Variants in DPP6 observed in about 807,000 individuals in gnomAD.
DPP6 encodes the protein A-type potassium channel modulatory protein DPP6.
In DPP6, 69 loss-of-function variants were observed where a neutral mutation model predicts 122.6. That is an observed-to-expected ratio of 0.56 (90% CI 0.46 to 0.69). DPP6 has a LOEUF of 0.69. Among genes scored for constraint, DPP6 ranks in the 30% least tolerant of loss-of-function variants. The probability of loss-of-function intolerance (pLI) is 0.00; values close to 1 mark genes in which losing one functional copy is unlikely to be tolerated. For missense variants in DPP6, 928 were observed against 1,116.9 expected, an observed-to-expected ratio of 0.83 and a Z score of 2.41; for synonymous variants, 418 against 433.1, an observed-to-expected ratio of 0.97 and a Z score of 0.43.
intron 16 of DPP6, among the ~76,000 whole-genome samples, chr7:154,810,203 C>T (rs980483397): frequency 7.2e-5 from 11 of 152,308 alleles, no homozygotes; most frequent in African/African-American, 2.6e-4. Context: ...GTCACAGCTC[C>T]CTGCTAAGTT....
intron 16 of DPP6, among the ~76,000 whole-genome samples, chr7:154,823,692 C>T (rs559212471): frequency 6.6e-6 from 1 of 152,310 alleles, no homozygotes; most frequent in South Asian, 2.1e-4. Context: ...AACTAGAGGA[C>T]CAGTGATAGG....
intron 2 of DPP6, among the ~76,000 whole-genome samples, chr7:154,450,787 C>A (rs1339255780): frequency 6.6e-6 from 1 of 152,196 alleles, no homozygotes; most frequent in African/African-American, 2.4e-5. Context: ...GATGATCTCA[C>A]ACAGCTGGGG....
intron 1 of DPP6, among the ~76,000 whole-genome samples, chr7:154,070,888 T>C (rs1401631110): frequency 2.6e-5 from 4 of 152,220 alleles, no homozygotes; most frequent in African/African-American, 9.7e-5. Context: ...ATAGCTGTTC[T>C]TTCATATTGC....
chr7:154,741,961 T>C (rs149064873), intron 8 of DPP6, among the ~76,000 whole-genome samples: 2 of 152,364 alleles, frequency 1.3e-5, no homozygotes, highest in African/African-American at 4.8e-5. Flanking sequence ...CAAGAAGATA[T>C]TCCAACACCT....
the DPP6 span, among the ~76,000 whole-genome samples, chr7:153,834,373 C>G: frequency 6.6e-6 from 1 of 151,802 alleles, no homozygotes; most frequent in Non-Finnish European, 1.5e-5. Context: ...TATGCTAATA[C>G]TGTCAGCCAT....
rs397833638 is a variant in DPP6, at chr7:154,045,365, G to A, written c.51+157631G>A. On this transcript the variant is annotated intron_variant, in intron 1 of 25. Coordinates refer to the DPP6 transcript ENST00000404039. ...AAATCTTCCAGGTCACCTTGGTGCC[G>A]TGAAGAAAATTGCTCTAGTACATTG... Among the ~76,000 whole-genome samples, 272 of 152,274 alleles carry A rather than the reference G, an allele frequency of 1.8e-3. 1 individual carries two copies. The highest frequency in any genetic ancestry group is 6.0e-3 in the African/African-American group (248 of 41,552).
the DPP6 span, among the ~76,000 whole-genome samples, chr7:153,748,893 A>G: frequency 6.7e-6 from 1 of 149,386 alleles, no homozygotes; most frequent in Non-Finnish European, 1.5e-5. Context: ...GCCACCCTCC[A>G]CGCGCCTAGG....
chr7:154,375,641 C>A (rs1386778057), intron 1 of DPP6, among the ~76,000 whole-genome samples: 1 of 151,562 alleles, frequency 6.6e-6, no homozygotes, highest in Non-Finnish European at 1.5e-5. Flanking sequence ...GAGAAGGGAG[C>A]CATCCACAAG....
chr7:154,281,593 A>G (rs1168570658), intron 1 of DPP6, among the ~76,000 whole-genome samples: 1 of 152,214 alleles, frequency 6.6e-6, no homozygotes, highest in Non-Finnish European at 1.5e-5. Context: ...GCAACAAAGT[A>G]CAAAGATTTA....
chr7:154,651,124 A>G (rs1183190881), intron 6 of DPP6, among the ~76,000 whole-genome samples: 1 of 152,144 alleles, frequency 6.6e-6, no homozygotes, highest in South Asian at 2.1e-4. Context: ...GTATAGCACT[A>G]GGTACTAGTA....
chr7:154,853,666 C>T, intron 16 of DPP6, 114 bp from the exon 17 acceptor site: 1 of 1,445,670 alleles, frequency 6.9e-7, no homozygotes, highest in Non-Finnish European at 9.3e-7. Context: ...AATTCGGGTT[C>T]TCCAGGCTCC....
intron 1 of DPP6, among the ~76,000 whole-genome samples, chr7:154,236,042 G>A (rs1484457692): frequency 2.0e-5 from 3 of 152,032 alleles, no homozygotes; most frequent in Non-Finnish European, 4.4e-5. Context: ...TAATAAAGAT[G>A]GGGTTTCACC....
At chr7:154,799,240 A>T (rs1486924743) in intron 12 of DPP6, among the ~76,000 whole-genome samples, 1 of 152,048 alleles carries the variant, frequency 6.6e-6, no homozygotes, top group Non-Finnish European at 1.5e-5. Context: ...TTCTCTTCCC[A>T]ACTCCTTCCT....
At chr7:154,805,075 C>T in intron 15 of DPP6, 111 bp downstream of exon 15, 1 of 1,409,618 alleles carries the variant, frequency 7.1e-7, no homozygotes. Flanking sequence ...AAGACAGACC[C>T]CACCACAGAG....
At chr7:154,462,588 G>T (rs145059805) in intron 2 of DPP6, among the ~76,000 whole-genome samples, 2,176 of 151,814 alleles carry the variant, frequency 0.014, 15 homozygotes, top group Non-Finnish European at 0.024. Flanking sequence ...CTTTAGTAAG[G>T]TTAATTCCTG....
intron 1 of DPP6, among the ~76,000 whole-genome samples, chr7:153,919,456 A>G (rs1214531049): frequency 6.6e-6 from 1 of 152,216 alleles, no homozygotes; most frequent in Non-Finnish European, 1.5e-5. Context: ...CAGTTTGCAC[A>G]TATTCAGTGC....
intron 2 of DPP6, among the ~76,000 whole-genome samples, chr7:154,452,321 G>A (rs1820453874): frequency 1.3e-5 from 2 of 151,924 alleles, no homozygotes; most frequent in South Asian, 4.1e-4. Flanking sequence ...TGTGTAGATA[G>A]TGGAAATGCT....
chr7:153,977,381 C>T (rs1274630266), intron 1 of DPP6, among the ~76,000 whole-genome samples: 35 of 152,192 alleles, frequency 2.3e-4, no homozygotes, highest in Admixed American at 2.3e-3. Flanking sequence ...CTGACAGCAG[C>T]GGCCTTTGCC....
At chr7:154,344,613 G>C (rs549048519) in intron 1 of DPP6, among the ~76,000 whole-genome samples, 9 of 152,184 alleles carry the variant, frequency 5.9e-5, no homozygotes, top group Non-Finnish European at 1.3e-4. Flanking sequence ...CAGGTGCTAC[G>C]TGAGAGAGAT....
Sources: allele counts gnomAD v4.1 joint callset (sites outside exome capture counted in the v4.1 genomes callset), GRCh38; gene constraint gnomAD v4.1.1; transcripts MANE v1.5; gene names NCBI Gene and HGNC (gene_info 2026-07-23, HGNC 2026-07-21).